PRPF39: variants seen among roughly 807,000 people sequenced by gnomAD.
PRPF39 encodes the protein pre-mRNA-processing factor 39.
Under a neutral mutation model 82.1 loss-of-function variants are expected in PRPF39, and 27 were observed. The observed-to-expected ratio is 0.33, with a 90% confidence interval of 0.24 to 0.45. The LOEUF is 0.45. Ranked by LOEUF, PRPF39 falls within the 20% of genes least tolerant of loss-of-function variation. PRPF39 has a pLI of 1.00. For synonymous variants in PRPF39, 261 were observed against 256.4 expected (o/e 1.02, Z -0.17); for missense variants, 581 against 796.9 (o/e 0.73, Z 3.26).
At chr14:45,100,577 T>C (rs1198215315) in intron 4 of PRPF39, among the ~76,000 whole-genome samples, 1 of 152,222 alleles carries the variant, frequency 6.6e-6, no homozygotes, top group Non-Finnish European at 1.5e-5. Context: ...CTTCTTCCCC[T>C]TTTCTCCATA....
rs1443167294 is a variant in PRPF39 at position 45,095,512 on chromosome 14, T to C, written c.273T>C (p.Asn91=). The change falls in exon 2 of 14, where the codon AAT becomes AAC. Residue 91 remains asparagine (N), a synonymous_variant. Coordinates refer to ENST00000355765, the MANE Select transcript of PRPF39 (RefSeq NM_017922.4). The stretch of plus-strand genomic sequence containing the variant: ...AATTTTGGAAAACTGTAGAAAATAA[T>C]CCTCAGGATTTTACAGGCTGGGTAT... ...YEKFWKTVEN[N]PQDFTGWVYL... The C allele has an allele frequency of 1.2e-6, 2 of 1,612,610 alleles. No homozygotes were observed. The highest frequency in any genetic ancestry group is 1.6e-4 in the Middle Eastern group (1 of 6,062).
chr14:45,095,396 G>C lies in PRPF39; in HGVS notation c.157G>C (p.Ala53Pro), dbSNP rs186389668. The C allele has an allele frequency of 1.1e-5, 17 of 1,613,852 alleles. No homozygotes were observed. The Admixed American group carries it at 2.8e-4, about 27-fold the overall frequency. ...QSPDDSPNVNASTEETEMASA... is the reference protein window; with the variant it reads ...QSPDDSPNVNPSTEETEMASA... ...ACCTGATGACTCTCCCAATGTGAATGCATCTACAGAAGAAACTGAAATGGC... is the reference window on the plus strand; with the variant it reads ...ACCTGATGACTCTCCCAATGTGAATCCATCTACAGAAGAAACTGAAATGGC... The change falls in exon 2 of 14, where the codon GCA becomes CCA. Residue 53 changes from alanine (A) to proline (P), a missense_variant. Transcript: ENST00000355765.
At position 45,114,517 on chromosome 14, in the gene PRPF39, A is replaced by G. The variant is rs1371552217; in HGVS notation, c.1856A>G (p.Lys619Arg). Residue 619 changes from lysine to arginine, a missense_variant, in exon 13 of 14, where the codon AAA becomes AGA. Physicochemically the swap from Lys to Arg is conservative, Grantham distance 26. Coordinates refer to ENST00000355765, the MANE Select transcript of PRPF39 (RefSeq NM_017922.4). Reference sequence around the variant, plus strand: ...AGATCAGAAGAACCAGAGGAAAAGAAAGCACATACAGAAGATACAACTTCA... The same window carrying G: ...AGATCAGAAGAACCAGAGGAAAAGAGAGCACATACAGAAGATACAACTTCA... ...ENGSEEPEEKKAHTEDTTSSS... is the reference protein window; with the variant it reads ...ENGSEEPEEKRAHTEDTTSSS... 3 of 1,582,462 alleles carry G rather than the reference A, an allele frequency of 1.9e-6. No individual in the cohort carries two copies. Among genetic ancestry groups the G allele is most frequent in the Non-Finnish European group, 2.6e-6 (3 of 1,171,382 alleles).
intron 5 of PRPF39, 87 bp downstream of exon 5, chr14:45,102,783 T>G: frequency 7.8e-7 from 1 of 1,275,966 alleles, no homozygotes; most frequent in Non-Finnish European, 1.1e-6. Flanking sequence ...TGGAATGTTA[T>G]GTAAGCTTTT....
intron 3 of PRPF39, 23 bp from the exon 4 acceptor site, chr14:45,096,864 A>G (rs1265749876): frequency 1.1e-5 from 17 of 1,540,264 alleles, no homozygotes; most frequent in Non-Finnish European, 1.4e-5. Context: ...TATTTGAAGT[A>G]CAGTTTGCTG....
chr14:45,093,389 A>T (rs1884100802), intron 1 of PRPF39, among the ~76,000 whole-genome samples: 1 of 150,660 alleles, frequency 6.6e-6, no homozygotes, highest in South Asian at 2.1e-4. Context: ...CACCCTGCTA[A>T]TTTTTTGTAT....
Position 45,095,420 on chromosome 14 carries a change from G to GC in PRPF39, c.182dup (p.Ser62LysfsTer21). The GC allele has an allele frequency of 6.2e-7, 1 of 1,613,988 alleles. No homozygotes were observed. The highest frequency in any genetic ancestry group is 8.5e-7 in the Non-Finnish European group (1 of 1,179,882). ...TGCATCTACAGAAGAAACTGAAATG[G>GC]CAAGTGCTGTGGACCTTCCAGTGAC... On this transcript the variant is annotated frameshift_variant, in exon 2 of 14. Transcript: ENST00000355765. LOFTEE classifies it high-confidence loss of function.
rs1884665481 is a variant in PRPF39, at chr14:45,110,396, C to A, written c.1304-153C>A. On this transcript the variant is annotated intron_variant, in intron 9 of 13. Coordinates refer to ENST00000355765, the MANE Select transcript of PRPF39 (RefSeq NM_017922.4). The surrounding 1 kb of genome is among the most constrained non-coding windows in gnomAD (Gnocchi z 4.0). The stretch of plus-strand genomic sequence containing the variant: ...TCAGGCTTTGTAAGCCATTGTAGCC[C>A]CGAAACAGCCATAGGCAGTGTGTAA... Among the ~76,000 whole-genome samples the A allele has an allele frequency of 6.6e-6, 1 of 152,098 alleles. No individual in the cohort carries two copies. Among genetic ancestry groups the A allele is most frequent in the South Asian group, 2.1e-4 (1 of 4,828 alleles).
rs200504563 is a variant in PRPF39 at position 45,095,263 on chromosome 14, A to T, written c.24A>T (p.Glu8Asp). 8.1e-5 allele frequency: 130 copies of T among 1,601,592 alleles called. No homozygotes were observed. The East Asian group carries it at 1.8e-3, about 22-fold the overall frequency. The change falls in exon 2 of 14, where the codon GAA becomes GAT. Residue 8 changes from glutamate to aspartate, a missense_variant. Physicochemically the swap from Glu to Asp is conservative, Grantham distance 45 (BLOSUM62 2). Transcript: ENST00000355765. ...ATATGCAAAATTCTCACATGGATGA[A>T]TACAGAAATTCTAGTAATGGCAGCA... is the stretch of plus-strand genomic sequence containing the variant. Reference protein sequence around the residue: MQNSHMDEYRNSSNGSTG... With the variant: MQNSHMDDYRNSSNGSTG...
In PRPF39 at chr14:45,093,228, T is replaced by TG. The variant is rs536272426; in HGVS notation, c.-19-1993_-19-1992insG. On this transcript the variant is annotated intron_variant, in intron 1 of 13. Transcript: ENST00000355765. ...TTATTATTCCATTATATATGATTTA[T>TG]TTTTTTTTTTTTGAGACGGAATCTC... 1.7e-3 allele frequency among the ~76,000 whole-genome samples: 183 copies of TG among 109,814 alleles called. 1 individual carries two copies. The highest frequency in any genetic ancestry group is 9.9e-3 in the African/African-American group (176 of 17,820). 72.0% of individuals were successfully genotyped at this position (109,814 alleles called of 152,430 possible). A position where few individuals can be genotyped will look rare whatever the true frequency, so the allele number is the denominator to read the frequency against.
At chr14:45,111,353 C>CT (rs397969669) in intron 10 of PRPF39, among the ~76,000 whole-genome samples, 2,732 of 147,424 alleles carry the variant, frequency 0.019, 87 homozygotes, top group African/African-American at 0.062. Context: ...AGATGTTTAT[C>CT]TTTTTTTTTT....
intron 5 of PRPF39, among the ~76,000 whole-genome samples, chr14:45,103,682 G>C (rs182110206): frequency 1.3e-5 from 2 of 152,072 alleles, no homozygotes; most frequent in Admixed American, 1.3e-4. Flanking sequence ...AAGCAGGCAG[G>C]TTTCTAAGGT....
intron 1 of PRPF39, among the ~76,000 whole-genome samples, chr14:45,086,855 T>TC (rs1382391929): frequency 6.7e-6 from 1 of 150,226 alleles, no homozygotes; most frequent in Admixed American, 6.6e-5. Flanking sequence ...AGTTTTTTTT[T>TC]TTTTTTTTTT....
intron 1 of PRPF39, among the ~76,000 whole-genome samples, chr14:45,093,519 T>A: frequency 7.1e-6 from 1 of 140,558 alleles, no homozygotes; most frequent in Middle Eastern, 5.0e-3. Context: ...CCACCGTGCC[T>A]GGCCGAGTAT....
chr14:45,114,204 A>G lies in PRPF39; in HGVS notation c.1779A>G (p.Glu593=). ...TCAGGCTTCTGAATGCTTATGATGA[A>G]CATCAAACACTCCTGAAAGAACAGG... is the stretch of plus-strand genomic sequence containing the variant. ...DVNKLLNAYD[E]HQTLLKEQDS... Residue 593 remains glutamate (E), a synonymous_variant, in exon 12 of 14, where the codon GAA becomes GAG. Transcript: ENST00000355765. The G allele has an allele frequency of 6.2e-7, 1 of 1,600,530 alleles. No homozygotes were observed. The highest frequency in any genetic ancestry group is 1.3e-5 in the African/African-American group (1 of 74,618).
chr14:45,095,961 C>T (rs762298280), intron 2 of PRPF39, 142 bp from the exon 3 acceptor site: 27 of 602,272 alleles, frequency 4.5e-5, no homozygotes, highest in Non-Finnish European at 7.2e-5. Flanking sequence ...AGGGCTGCTC[C>T]ATCGGCAGAG....
chr14:45,098,978 A>G (rs187988362), intron 4 of PRPF39, among the ~76,000 whole-genome samples: 1 of 152,342 alleles, frequency 6.6e-6, no homozygotes, highest in East Asian at 1.9e-4. Flanking sequence ...TTTTCTCCAT[A>G]GAGCTTTGAA....
At chr14:45,088,637 G>A (rs1265697298) in intron 1 of PRPF39, among the ~76,000 whole-genome samples, 1 of 152,128 alleles carries the variant, frequency 6.6e-6, no homozygotes, top group East Asian at 1.9e-4. Flanking sequence ...TTTTGGTTTT[G>A]TCATCTTTAA....
At chr14:45,085,948 A>AT (rs1883813407) in intron 1 of PRPF39, among the ~76,000 whole-genome samples, 1 of 151,928 alleles carries the variant, frequency 6.6e-6, no homozygotes, top group South Asian at 2.1e-4. Context: ...AAAAAAAAAA[A>AT]AGGTATTAGG....
Sources: gnomAD v4.1 joint callset for allele counts (sites outside exome capture counted in the v4.1 genomes callset) on GRCh38, gnomAD v4.1.1 for gene constraint, Gnocchi (gnomAD v3.1) non-coding constraint, MANE v1.5 for transcripts, NCBI Gene and HGNC (gene_info 2026-07-23, HGNC 2026-07-21) for gene names.